The following KMT2C variants were observed in gnomAD, a reference collection of about 807,000 sequenced individuals.
KMT2C encodes lysine methyltransferase 2C.
KMT2C carries 88 observed loss-of-function variants against 507.9 expected under a neutral mutation model. That is an observed-to-expected ratio of 0.17 (90% CI 0.15 to 0.21). The LOEUF (loss-of-function observed/expected upper bound fraction) is 0.21, where lower values mean the gene tolerates loss of function less well. Among genes scored for constraint, KMT2C ranks in the 10% least tolerant of loss-of-function variants. The pLI is 1.00. For missense variants in KMT2C, 4,954 were observed against 5,957.8 expected, an observed-to-expected ratio of 0.83 and a Z score of 5.55; for synonymous variants, 2,049 against 2,080.8, an observed-to-expected ratio of 0.98 and a Z score of 0.42.
rs1181313848 is a variant in KMT2C at position 152,174,112 on chromosome 7, A to G, written c.9374+19T>C. 2.2e-6 allele frequency: 3 copies of G among 1,335,946 alleles called. No homozygotes were observed. The highest frequency in any genetic ancestry group is 3.0e-5 in the African/African-American group (2 of 67,616). 82.8% of individuals were successfully genotyped at this position (1,335,946 alleles called of 1,614,324 possible). A position where few individuals can be genotyped will look rare whatever the true frequency, so the allele number is the denominator to read the frequency against. On this transcript the variant is annotated intron_variant, in intron 39 of 58. Transcript: ENST00000262189. ...GAATGTCTAGATGCCCAGTAGAAAC[A>G]AGCAGCCACTCCACCTACCTGCTCA...
chr7:152,413,996 G>A (rs1589858643), intron 1 of KMT2C, among the ~76,000 whole-genome samples: 1 of 151,940 alleles, frequency 6.6e-6, no homozygotes, highest in Non-Finnish European at 1.5e-5. Flanking sequence ...CGGACCACTA[G>A]GTCAGAAATT....
At chr7:152,150,447 T>A (rs973593783) in intron 51 of KMT2C, among the ~76,000 whole-genome samples, 1 of 151,994 alleles carries the variant, frequency 6.6e-6, no homozygotes, top group Non-Finnish European at 1.5e-5. Flanking sequence ...TGAAACCCCA[T>A]CTCTACTAAA....
At chr7:152,354,822 T>A (rs1304060929) in intron 2 of KMT2C, among the ~76,000 whole-genome samples, 1 of 152,170 alleles carries the variant, frequency 6.6e-6, no homozygotes, top group African/African-American at 2.4e-5. Flanking sequence ...GTCAGATCAA[T>A]GGAGCCTGAA....
chr7:152,420,078 A>C (rs1258885963), intron 1 of KMT2C, among the ~76,000 whole-genome samples: 1 of 152,222 alleles, frequency 6.6e-6, no homozygotes, highest in Non-Finnish European at 1.5e-5. Flanking sequence ...CAGAAATTGA[A>C]GGTAGGGATC....
At chr7:152,355,050 T>C (rs1274159645) in intron 2 of KMT2C, among the ~76,000 whole-genome samples, 4 of 152,162 alleles carry the variant, frequency 2.6e-5, no homozygotes, top group Non-Finnish European at 5.9e-5. Context: ...TCTGGAATAA[T>C]AGCAGTGGAG....
intron 6 of KMT2C, among the ~76,000 whole-genome samples, chr7:152,290,218 ATATGTGTGTGTGTGTGTGTG>A: frequency 9.2e-6 from 1 of 108,742 alleles, no homozygotes; most frequent in Admixed American, 9.7e-5. Context: ...TTTTATATAT[ATATGTGTGTGTGTGTGTGTG>A]TGTGTGTGTG....
intron 1 of KMT2C, among the ~76,000 whole-genome samples, chr7:152,419,161 C>T (rs938370946): frequency 5.3e-5 from 8 of 152,150 alleles, no homozygotes; most frequent in African/African-American, 1.9e-4. Context: ...ACCAGCCTGG[C>T]CAACATGGTG....
At chr7:152,398,199 G>A (rs891689012) in intron 1 of KMT2C, among the ~76,000 whole-genome samples, 14 of 152,138 alleles carry the variant, frequency 9.2e-5, no homozygotes, top group African/African-American at 2.9e-4. Context: ...GTTTCTCACC[G>A]TTGAAATATT....
intron 1 of KMT2C, among the ~76,000 whole-genome samples, chr7:152,377,591 C>T (rs2097338922): frequency 6.6e-6 from 1 of 151,828 alleles, no homozygotes; most frequent in African/African-American, 2.4e-5. Flanking sequence ...AAAAATAAGC[C>T]GGGCGTGGTG....
chr7:152,205,183 T>C lies in KMT2C; in HGVS notation c.3884A>G (p.Gln1295Arg). The change falls in exon 25 of 59, where the codon CAA (glutamine) becomes CGA (arginine). Residue 1295 changes from glutamine (Q) to arginine (R), a missense_variant. Coordinates refer to ENST00000262189, the MANE Select transcript of KMT2C (RefSeq NM_170606.3). ...GATCACAGATCTTTTGGTTTTCCCT[T>C]GCCCAGTTCGACTTCTTTGCCGCAC... ...FMVRQRSRTGQGKTKRSVIRK... is the reference protein window; with the variant it reads ...FMVRQRSRTGRGKTKRSVIRK... 1 of 1,611,660 alleles carries C rather than the reference T, an allele frequency of 6.2e-7. No homozygotes were observed. The highest frequency in any genetic ancestry group is 8.5e-7 in the Non-Finnish European group (1 of 1,178,664).
chr7:152,167,673 T>TA (rs1324288547), intron 41 of KMT2C, among the ~76,000 whole-genome samples: 1 of 152,202 alleles, frequency 6.6e-6, no homozygotes, highest in African/African-American at 2.4e-5. Flanking sequence ...TCTTTTTTTT[T>TA]ACTAAACAAA....
At chr7:152,229,196 C>T (rs2095030940) in intron 18 of KMT2C, among the ~76,000 whole-genome samples, 1 of 152,064 alleles carries the variant, frequency 6.6e-6, no homozygotes, top group South Asian at 2.1e-4. Flanking sequence ...AAAAGATTTC[C>T]TTGTGGAGTA....
rs187080406 is a variant in KMT2C at position 152,251,914 on chromosome 7, A to T, written c.1621+25T>A. On this transcript the variant is annotated intron_variant, in intron 11 of 58. Transcript: ENST00000262189. ...ACAACATTACAAAAACAAAAAATTT[A>T]AAAAAAAATCATTCTCAAATTTACC... 14,952 of 1,504,432 alleles carry T rather than the reference A, an allele frequency of 9.9e-3. 147 individuals are homozygous for T. The highest frequency in any genetic ancestry group is 0.039 in the Middle Eastern group (214 of 5,494). 93.2% of individuals were successfully genotyped at this position (1,504,432 alleles called of 1,614,324 possible).
intron 6 of KMT2C, among the ~76,000 whole-genome samples, chr7:152,287,599 T>C (rs953354577): frequency 1.3e-5 from 2 of 152,186 alleles, no homozygotes; most frequent in African/African-American, 4.8e-5. Context: ...AAATATAACA[T>C]GTTATACCAT....
At chr7:152,187,196 A>C in intron 33 of KMT2C, 66 bp downstream of exon 33, 1 of 1,003,404 alleles carries the variant, frequency 1.0e-6, no homozygotes, top group Non-Finnish European at 1.4e-6. Context: ...ATTGCAGTTA[A>C]AAAAAAAAAA....
intron 52 of KMT2C, 89 bp downstream of exon 52, chr7:152,147,944 G>C: frequency 7.4e-7 from 1 of 1,359,942 alleles, no homozygotes; most frequent in African/African-American, 1.4e-5. Flanking sequence ...AAACTAACAT[G>C]AGACAAACAT....
At chr7:152,244,231 A>G (rs1177089918) in intron 14 of KMT2C, among the ~76,000 whole-genome samples, 1 of 152,240 alleles carries the variant, frequency 6.6e-6, no homozygotes, top group Non-Finnish European at 1.5e-5. Context: ...TTTCAGGGTT[A>G]CAGTTAAAGA....
intron 1 of KMT2C, among the ~76,000 whole-genome samples, chr7:152,385,197 T>C (rs539953333): frequency 4.9e-4 from 74 of 152,256 alleles, no homozygotes; most frequent in African/African-American, 1.8e-3. Context: ...CTACAGGAAC[T>C]CTACAGGGCA....
chr7:152,184,030 C>A (rs2093530604), intron 34 of KMT2C, among the ~76,000 whole-genome samples: 1 of 149,784 alleles, frequency 6.7e-6, no homozygotes, highest in African/African-American at 2.5e-5. Flanking sequence ...CGAGATCGCA[C>A]CATTGCACTC....
Sources: allele counts gnomAD v4.1 joint callset (sites outside exome capture counted in the v4.1 genomes callset), GRCh38; gene constraint gnomAD v4.1.1; transcripts MANE v1.5; gene names NCBI Gene and HGNC (gene_info 2026-07-23, HGNC 2026-07-21).